The following TNS3 variants were observed in gnomAD, a reference collection of about 807,000 sequenced individuals.
The protein encoded by TNS3 is tensin 3, also known as tensin-3.
A neutral mutation model predicts 140.9 loss-of-function variants in TNS3; 45 were observed. The ratio of observed to expected loss-of-function variants is 0.32; its 90% confidence interval spans 0.25 to 0.41. The LOEUF (loss-of-function observed/expected upper bound fraction) is 0.41. TNS3 is among the 10% of genes least tolerant of loss of function. TNS3 has a pLI of 1.00. For synonymous variants in TNS3, 815 were observed against 788.4 expected (o/e 1.03, Z -0.56); for missense variants, 1,716 against 1,906.7 (o/e 0.90, Z 1.86).
intron 2 of TNS3, among the ~76,000 whole-genome samples, chr7:47,507,284 T>C (rs964439949): frequency 6.6e-6 from 1 of 152,114 alleles, no homozygotes; most frequent in South Asian, 2.1e-4. Context: ...CCAGCCGAAC[T>C]GGATCCCTAA....
chr7:47,437,378 T>C (rs1199920822), intron 6 of TNS3, 65 bp from the exon 7 acceptor site: 3 of 707,268 alleles, frequency 4.2e-6, no homozygotes, highest in Non-Finnish European at 6.0e-6. Context: ...ATTAATACTT[T>C]AATTTTTATT....
intron 4 of TNS3, among the ~76,000 whole-genome samples, chr7:47,455,320 CA>C (rs748555276): frequency 3.3e-5 from 5 of 152,148 alleles, no homozygotes; most frequent in Non-Finnish European, 7.4e-5. Context: ...AGGATCACCC[CA>C]ACTCAGACCA....
intron 10 of TNS3, among the ~76,000 whole-genome samples, chr7:47,419,524 A>G (rs1024807144): frequency 1.3e-5 from 2 of 152,354 alleles, no homozygotes; most frequent in South Asian, 4.1e-4. Flanking sequence ...TAAAGTTTAT[A>G]GTTTAAATGA....
chr7:47,520,730 T>G (rs1371966680), intron 2 of TNS3, among the ~76,000 whole-genome samples: 2 of 152,214 alleles, frequency 1.3e-5, no homozygotes, highest in Non-Finnish European at 2.9e-5. Context: ...AAATTTGGCC[T>G]GGGTGCCTCC....
intron 17 of TNS3, among the ~76,000 whole-genome samples, chr7:47,349,483 G>T (rs1789539431): frequency 6.6e-6 from 1 of 152,258 alleles, no homozygotes; most frequent in South Asian, 2.1e-4. Context: ...AGGCCAGAAA[G>T]AGGCTCTGCA....
chr7:47,530,836 AAAATATAT>A (rs1799370561), intron 1 of TNS3, among the ~76,000 whole-genome samples: 1 of 33,286 alleles, frequency 3.0e-5, no homozygotes, highest in Non-Finnish European at 6.2e-5. Flanking sequence ...AAAAAAAAAA[AAAATATAT>A]ATATATATAT....
intron 18 of TNS3, among the ~76,000 whole-genome samples, chr7:47,345,450 G>GA (rs1217949111): frequency 6.6e-6 from 1 of 152,106 alleles, no homozygotes; most frequent in Admixed American, 6.5e-5. Context: ...ACATAGCACA[G>GA]AAAAAAGGCC....
intron 2 of TNS3, among the ~76,000 whole-genome samples, chr7:47,520,183 C>T (rs1416870940): frequency 1.3e-5 from 2 of 152,136 alleles, no homozygotes; most frequent in Admixed American, 1.3e-4. Context: ...CTGATACCCA[C>T]GTGGGCTCCG....
intron 6 of TNS3, among the ~76,000 whole-genome samples, chr7:47,439,168 G>A (rs1001585946): frequency 1.3e-5 from 2 of 152,222 alleles, no homozygotes; most frequent in Admixed American, 6.5e-5. Context: ...GATGCAGCAT[G>A]GGAGCGCAAG....
intron 4 of TNS3, chr7:47,470,594 G>C (rs527456055): frequency 1.0e-6 from 1 of 985,400 alleles, no homozygotes; most frequent in African/African-American, 1.7e-5. Context: ...TGGCCCACCT[G>C]TCACTTTAGG....
intron 17 of TNS3, among the ~76,000 whole-genome samples, chr7:47,352,634 C>G (rs1211756089): frequency 6.6e-6 from 1 of 152,224 alleles, no homozygotes; most frequent in Non-Finnish European, 1.5e-5. Flanking sequence ...ATCCTGGCCC[C>G]TTCTCCAGGA....
At chr7:47,562,851 CTT>C (rs1258884251) in intron 1 of TNS3, among the ~76,000 whole-genome samples, 1 of 152,196 alleles carries the variant, frequency 6.6e-6, no homozygotes, top group Non-Finnish European at 1.5e-5. Flanking sequence ...GGGAAAAAGA[CTT>C]TTCTCTCTGA....
In TNS3 at chr7:47,302,082, G is replaced by T; in HGVS notation, c.3544+104C>A. On this transcript the variant is annotated intron_variant, in intron 23 of 30. Transcript: ENST00000311160. ...CTGCTCAAACTCAATCCATATGAAGGCCACGGCTGCCCGATGTTCCCACCG... is the reference window on the plus strand; with the variant it reads ...CTGCTCAAACTCAATCCATATGAAGTCCACGGCTGCCCGATGTTCCCACCG... 4.4e-6 allele frequency: 4 copies of T among 901,908 alleles called. No homozygotes were observed. The East Asian group carries it at 7.4e-5, about 17-fold the overall frequency. 55.9% of individuals were successfully genotyped at this position (901,908 alleles called of 1,614,324 possible).
At chr7:47,558,482 C>T (rs892472517) in intron 1 of TNS3, among the ~76,000 whole-genome samples, 5 of 152,030 alleles carry the variant, frequency 3.3e-5, no homozygotes, top group Non-Finnish European at 5.9e-5. Flanking sequence ...TCAAAGAGGC[C>T]GACCCCAGCA....
At chr7:47,423,131 G>T (rs1243527625) in intron 10 of TNS3, among the ~76,000 whole-genome samples, 1 of 152,224 alleles carries the variant, frequency 6.6e-6, no homozygotes, top group Non-Finnish European at 1.5e-5. Flanking sequence ...TGCTGACATA[G>T]CCCTCAGTTG....
chr7:47,546,221 A>G (rs1300478058), intron 1 of TNS3, among the ~76,000 whole-genome samples: 1 of 152,152 alleles, frequency 6.6e-6, no homozygotes, highest in Admixed American at 6.5e-5. Flanking sequence ...ATTGCAACCG[A>G]CCTCAAAAGC....
chr7:47,387,772 CA>C lies in TNS3; in HGVS notation c.1024+9027del, dbSNP rs567096999. ...TGAAAGAGAAGAGCCAGAGCACGCA[CA>C]AGTTCTACTCTTCCAGCCAAGGGCT... On this transcript the variant is annotated intron_variant, in intron 16 of 30. Coordinates refer to ENST00000311160, the MANE Select transcript of TNS3 (RefSeq NM_022748.12). Among the ~76,000 whole-genome samples, 34 of 152,368 alleles carry C rather than the reference CA, an allele frequency of 2.2e-4. 1 individual carries two copies. Among genetic ancestry groups the C allele is most frequent in the Admixed American group, 4.6e-4 (7 of 15,302 alleles).
chr7:47,463,167 G>GCCTT (rs1796559664), intron 4 of TNS3, among the ~76,000 whole-genome samples: 1 of 152,138 alleles, frequency 6.6e-6, no homozygotes, highest in Non-Finnish European at 1.5e-5. Flanking sequence ...AACCTTGGCC[G>GCCTT]GGTGCAGTGG....
chr7:47,429,665 G>A (rs112775706), intron 8 of TNS3, among the ~76,000 whole-genome samples: 9,605 of 152,188 alleles, frequency 0.063, 653 homozygotes, highest in African/African-American at 0.17. Flanking sequence ...GTGAGCCACC[G>A]CACCCGGCCT....
Sources: allele counts gnomAD v4.1 joint callset (sites outside exome capture counted in the v4.1 genomes callset), GRCh38; gene constraint gnomAD v4.1.1; transcripts MANE v1.5; gene names NCBI Gene and HGNC (gene_info 2026-07-23, HGNC 2026-07-21).